The following UTRN variants were observed in gnomAD, a reference collection of about 807,000 sequenced individuals.
The protein encoded by UTRN is dystrophin-related protein 1.
Under a neutral mutation model 463.9 loss-of-function variants are expected in UTRN, and 283 were observed. The observed-to-expected ratio is 0.61, with a 90% confidence interval of 0.55 to 0.67. The LOEUF is 0.67. Ranked by LOEUF, UTRN falls within the 30% of genes least tolerant of loss-of-function variation. UTRN has a pLI of 0.00. For synonymous variants in UTRN, 1,442 were observed against 1,431.5 expected, an observed-to-expected ratio of 1.01 and a Z score of -0.17; for missense variants, 3,922 against 4,084.3, an observed-to-expected ratio of 0.96 and a Z score of 1.08.
chr6:144,766,385 C>T (rs140244334), intron 58 of UTRN, among the ~76,000 whole-genome samples: 1 of 152,214 alleles, frequency 6.6e-6, no homozygotes. Context: ...GTTGGGAGCT[C>T]GTGCTTGATT....
At chr6:144,515,056 C>G (rs1336414260) in intron 37 of UTRN, among the ~76,000 whole-genome samples, 2 of 152,114 alleles carry the variant, frequency 1.3e-5, no homozygotes, top group Non-Finnish European at 2.9e-5. Flanking sequence ...CAACTGCCAC[C>G]ACACCCAGCT....
At chr6:144,546,171 T>G (rs1368529308) in intron 46 of UTRN, among the ~76,000 whole-genome samples, 1 of 152,206 alleles carries the variant, frequency 6.6e-6, no homozygotes, top group Non-Finnish European at 1.5e-5. Flanking sequence ...GTATATCTAG[T>G]GATGGAATCA....
intron 42 of UTRN, among the ~76,000 whole-genome samples, chr6:144,531,589 T>C (rs1797061996): frequency 6.6e-6 from 1 of 152,208 alleles, no homozygotes; most frequent in Admixed American, 6.5e-5. Context: ...CTTTGTATCA[T>C]TGATAATTAT....
At chr6:144,530,488 G>A (rs1796946631) in intron 41 of UTRN, among the ~76,000 whole-genome samples, 1 of 152,058 alleles carries the variant, frequency 6.6e-6, no homozygotes, top group Non-Finnish European at 1.5e-5. Flanking sequence ...ATAGATAGAG[G>A]GGTATACGGG....
At chr6:144,529,164 C>T (rs150783502) in intron 41 of UTRN, among the ~76,000 whole-genome samples, 34 of 152,318 alleles carry the variant, frequency 2.2e-4, no homozygotes, top group African/African-American at 5.3e-4. Flanking sequence ...GAACCCCTTC[C>T]GCCACCCCCA....
rs185531183 is a variant in UTRN at position 144,621,513 on chromosome 6, C to T, written c.7479+44225C>T. Among the ~76,000 whole-genome samples, 26 of 152,208 alleles carry T rather than the reference C, an allele frequency of 1.7e-4. No homozygotes were observed. The East Asian group carries it at 4.8e-3, about 28-fold the overall frequency. On this transcript the variant is annotated intron_variant, in intron 51 of 74. Transcript: ENST00000367545. Reference sequence around the variant, plus strand: ...TGAGTTTACGCCCTATCTTGGGCTCCCATAGCACTTATCTCGCTATGATGC... The same window carrying T: ...TGAGTTTACGCCCTATCTTGGGCTCTCATAGCACTTATCTCGCTATGATGC...
At chr6:144,746,964 T>C (rs1188652750) in intron 54 of UTRN, among the ~76,000 whole-genome samples, 1 of 152,212 alleles carries the variant, frequency 6.6e-6, no homozygotes, top group Non-Finnish European at 1.5e-5. Flanking sequence ...TAGAATTTTT[T>C]TGAAATTTAG....
chr6:144,376,547 C>T (rs895783463), intron 2 of UTRN, among the ~76,000 whole-genome samples: 6 of 152,052 alleles, frequency 3.9e-5, no homozygotes, highest in African/African-American at 7.2e-5. Context: ...CCGCCCTCCT[C>T]GGCCTCCCAA....
At chr6:144,753,049 A>G (rs1791580300) in intron 56 of UTRN, among the ~76,000 whole-genome samples, 1 of 152,192 alleles carries the variant, frequency 6.6e-6, no homozygotes, top group African/African-American at 2.4e-5. Flanking sequence ...TTTAGGCCTT[A>G]ATGAACAAAG....
chr6:144,783,296 A>G (rs1012401761), intron 61 of UTRN, among the ~76,000 whole-genome samples: 1 of 152,174 alleles, frequency 6.6e-6, no homozygotes, highest in African/African-American at 2.4e-5. Context: ...CTATTTACCA[A>G]CCTTTGATTT....
chr6:144,516,780 A>C, intron 38 of UTRN, 31 bp from the exon 39 acceptor site: 2 of 1,410,206 alleles, frequency 1.4e-6, no homozygotes, highest in Non-Finnish European at 1.8e-6. Flanking sequence ...TTTTCTTTTG[A>C]GTCATTTTTT....
At chr6:144,335,682 T>C (rs1027513579) in intron 2 of UTRN, among the ~76,000 whole-genome samples, 5 of 152,182 alleles carry the variant, frequency 3.3e-5, no homozygotes, top group African/African-American at 1.2e-4. Context: ...TTCCAGGAAC[T>C]CTGGCACTGT....
chr6:144,811,300 C>A (rs73594598), intron 65 of UTRN, among the ~76,000 whole-genome samples: 1 of 152,100 alleles, frequency 6.6e-6, no homozygotes, highest in South Asian at 2.1e-4. Context: ...CTTTGGAAAG[C>A]TCTACCTTGA....
chr6:144,398,098 G>T, intron 2 of UTRN: 1 of 250,806 alleles, frequency 4.0e-6, no homozygotes. Context: ...AATCTGGAAA[G>T]ATGACTGGGA....
chr6:144,675,072 C>T (rs1781454296), intron 51 of UTRN, among the ~76,000 whole-genome samples: 1 of 152,162 alleles, frequency 6.6e-6, no homozygotes, highest in Non-Finnish European at 1.5e-5. Flanking sequence ...TTCCCCTTCT[C>T]ATTTGAATAA....
At chr6:144,695,243 A>G (rs978771259) in intron 52 of UTRN, among the ~76,000 whole-genome samples, 3 of 152,138 alleles carry the variant, frequency 2.0e-5, no homozygotes, top group Non-Finnish European at 2.9e-5. Context: ...AACTTCTTTG[A>G]CCATGGTGTG....
At chr6:144,323,780 G>A (rs1302992157) in intron 2 of UTRN, among the ~76,000 whole-genome samples, 6 of 152,110 alleles carry the variant, frequency 3.9e-5, no homozygotes, top group Non-Finnish European at 7.4e-5. Flanking sequence ...CTGGCTGTAT[G>A]TGTCCTTTTA....
At chr6:144,454,010 A>T (rs1435679730) in intron 19 of UTRN, 141 bp downstream of exon 19, 1 of 689,752 alleles carries the variant, frequency 1.4e-6, no homozygotes, top group East Asian at 2.8e-5. Flanking sequence ...GTTTTTAGGC[A>T]GCAGAATCTT....
chr6:144,610,106 C>G (rs1006411758), intron 51 of UTRN, among the ~76,000 whole-genome samples: 1 of 139,114 alleles, frequency 7.2e-6, no homozygotes. Context: ...GGAATACAGA[C>G]TAGAAAAATA....
Sources: allele counts gnomAD v4.1 joint callset (sites outside exome capture counted in the v4.1 genomes callset), GRCh38; gene constraint gnomAD v4.1.1; transcripts MANE v1.5; gene names NCBI Gene and HGNC (gene_info 2026-07-23, HGNC 2026-07-21).